Variants in C1orf87 observed in about 807,000 individuals in gnomAD.
The protein encoded by C1orf87 is uncharacterized protein C1orf87.
In C1orf87, 58 loss-of-function variants were observed where a neutral mutation model predicts 60.5. The observed-to-expected ratio is 0.96, with a 90% CI of 0.78 to 1.19. C1orf87 has a LOEUF of 1.19. Among genes scored for constraint, C1orf87 ranks in the 50% most tolerant of loss-of-function variants. The pLI is 0.00. For missense variants in C1orf87, 673 were observed against 638.6 expected (o/e 1.05, Z -0.58); for synonymous variants, 236 against 227.4 (o/e 1.04, Z -0.34).
chr1:60,070,341 A>G (rs1436339525), intron 2 of C1orf87, among the ~76,000 whole-genome samples: 1 of 152,070 alleles, frequency 6.6e-6, no homozygotes, highest in East Asian at 1.9e-4. Context: ...TCAAATTTTC[A>G]TTTTGGAGAA....
chr1:60,046,052 T>C lies in C1orf87; in HGVS notation c.343-4921A>G, dbSNP rs201850596. Among the ~76,000 whole-genome samples the C allele has an allele frequency of 2.6e-4, 39 of 152,272 alleles. No homozygotes were observed. The East Asian group carries it at 6.8e-3, about 26-fold the overall frequency. On this transcript the variant is annotated intron_variant, in intron 3 of 11. Transcript: ENST00000371201. The stretch of plus-strand genomic sequence containing the variant: ...TATATTGCAATAGGTTAATATCTCT[T>C]ACACCTTTTAAAATTCCTTCCTTCC...
At chr1:60,012,289 T>C (rs2100259320) in intron 8 of C1orf87, among the ~76,000 whole-genome samples, 1 of 152,238 alleles carries the variant, frequency 6.6e-6, no homozygotes, top group East Asian at 1.9e-4. Flanking sequence ...TCAGGTAGTG[T>C]TCTCTTAGAT....
chr1:60,001,032 T>A, intron 10 of C1orf87, 45 bp downstream of exon 10: 1 of 1,497,438 alleles, frequency 6.7e-7, no homozygotes, highest in Non-Finnish European at 9.3e-7. Flanking sequence ...AGGCCAAGTA[T>A]CCATGAAAAC....
At chr1:60,073,228 C>T (rs2100341099) in intron 1 of C1orf87, among the ~76,000 whole-genome samples, 1 of 152,292 alleles carries the variant, frequency 6.6e-6, no homozygotes, top group African/African-American at 2.4e-5. Context: ...TCTCTTTCTA[C>T]AACAATACAA....
At chr1:60,020,026 G>C (rs1164937923) in intron 8 of C1orf87, among the ~76,000 whole-genome samples, 1 of 152,208 alleles carries the variant, frequency 6.6e-6, no homozygotes, top group Non-Finnish European at 1.5e-5. Flanking sequence ...AGTCAAGCTG[G>C]CTGCAGAAAT....
At chr1:60,009,094 C>T (rs1050879981) in intron 9 of C1orf87, among the ~76,000 whole-genome samples, 3 of 151,964 alleles carry the variant, frequency 2.0e-5, no homozygotes, top group African/African-American at 7.3e-5. Context: ...TGAATCTGAG[C>T]TTATTTGGAA....
At chr1:60,012,512 A>AC in intron 8 of C1orf87, among the ~76,000 whole-genome samples, 1 of 152,016 alleles carries the variant, frequency 6.6e-6, no homozygotes, top group Non-Finnish European at 1.5e-5. Context: ...TCTTTACATT[A>AC]CCCCCAAGAC....
At chr1:60,017,176 A>T (rs1172199681) in intron 8 of C1orf87, among the ~76,000 whole-genome samples, 1 of 152,220 alleles carries the variant, frequency 6.6e-6, no homozygotes, top group African/African-American at 2.4e-5. Context: ...AATATTTATA[A>T]AGCACTTATT....
At chr1:60,012,933 C>A (rs1645098667) in intron 8 of C1orf87, among the ~76,000 whole-genome samples, 1 of 152,100 alleles carries the variant, frequency 6.6e-6, no homozygotes, top group South Asian at 2.1e-4. Context: ...TCCATGGACA[C>A]AGCTGTAGTG....
chr1:60,053,639 T>A (rs1006475295), intron 3 of C1orf87, among the ~76,000 whole-genome samples: 3 of 152,152 alleles, frequency 2.0e-5, no homozygotes, highest in African/African-American at 7.2e-5. Context: ...TGATTCTTAT[T>A]CTATATCTAT....
chr1:60,008,513 A>C (rs2100253459), intron 9 of C1orf87: 1 of 233,696 alleles, frequency 4.3e-6, no homozygotes, highest in South Asian at 4.6e-5. Context: ...TGATTAAGTA[A>C]AAATGAAGCT....
At position 60,060,382 on chromosome 1, in the gene C1orf87, C is replaced by T. The variant is rs1043491662; in HGVS notation, c.108-4944G>A. ...AAGATAAAATGTATAAAATATTGAG[C>T]ACCAAGCCTGGTGTTCCTCCACCAG... On this transcript the variant is annotated intron_variant, in intron 2 of 11. Coordinates refer to ENST00000371201, the MANE Select transcript of C1orf87 (RefSeq NM_152377.3). Among the ~76,000 whole-genome samples, 4 of 151,958 alleles carry T rather than the reference C, an allele frequency of 2.6e-5. No individual in the cohort carries two copies. The East Asian group carries it at 7.7e-4, about 29-fold the overall frequency.
chr1:60,027,343 C>T (rs543134903), intron 7 of C1orf87, among the ~76,000 whole-genome samples: 15 of 152,260 alleles, frequency 9.9e-5, no homozygotes, highest in Admixed American at 2.0e-4. Context: ...TGCAAGCCAG[C>T]CAATCCTAAG....
chr1:60,044,900 G>A (rs562103255), intron 3 of C1orf87, among the ~76,000 whole-genome samples: 23 of 152,254 alleles, frequency 1.5e-4, no homozygotes, highest in Admixed American at 9.8e-4. Flanking sequence ...TCCTAGTTGT[G>A]TGATGTTTGC....
At chr1:60,067,870 T>A (rs2100335809) in intron 2 of C1orf87, among the ~76,000 whole-genome samples, 1 of 152,236 alleles carries the variant, frequency 6.6e-6, no homozygotes, top group Admixed American at 6.5e-5. Context: ...TACATTTAAG[T>A]CTTTAATCCA....
At position 60,072,554 on chromosome 1, in the gene C1orf87, G is replaced by A. The variant is rs1022530029; in HGVS notation, c.90C>T (p.Leu30=). The A allele has an allele frequency of 6.2e-6, 10 of 1,610,366 alleles. No individual in the cohort carries two copies. The highest frequency in any genetic ancestry group is 1.7e-5 in the Admixed American group (1 of 59,654). The change falls in exon 2 of 12, where the codon CTC becomes CTT. Residue 30 remains leucine (L), a synonymous_variant. Transcript: ENST00000371201. The part of the protein sequence containing the change: ...KIIGSKHFQY[L]VEKPKIKEND... ...GGACTTACATCTTTGGCTTCTCCAC[G>A]AGGTATTGAAAGTGTTTACTTCCAA... is the stretch of plus-strand genomic sequence containing the variant.
intron 2 of C1orf87, among the ~76,000 whole-genome samples, chr1:60,056,194 A>G (rs1396065993): frequency 2.0e-5 from 3 of 152,158 alleles, no homozygotes; most frequent in Admixed American, 2.0e-4. Context: ...CAGTGAGCCG[A>G]GATCGCACCA....
chr1:60,059,803 A>C (rs1475141014), intron 2 of C1orf87, among the ~76,000 whole-genome samples: 1 of 152,234 alleles, frequency 6.6e-6, no homozygotes, highest in Non-Finnish European at 1.5e-5. Context: ...TGCGCCATCT[A>C]ACAGGCCCTA....
intron 3 of C1orf87, 70 bp downstream of exon 3, chr1:60,055,134 G>T: frequency 7.6e-7 from 1 of 1,315,702 alleles, no homozygotes; most frequent in East Asian, 2.3e-5. Context: ...GTTTTTGTGT[G>T]AACCTATGTT....
Sources: allele counts gnomAD v4.1 joint callset (sites outside exome capture counted in the v4.1 genomes callset), GRCh38; gene constraint gnomAD v4.1.1; transcripts MANE v1.5; gene names NCBI Gene and HGNC (gene_info 2026-07-23, HGNC 2026-07-21).